The following SGCD variants were observed in gnomAD, a reference collection of about 807,000 sequenced individuals.
The protein encoded by SGCD is delta-sarcoglycan.
Under a neutral mutation model 36.6 loss-of-function variants are expected in SGCD, and 18 were observed. That is an observed-to-expected ratio of 0.49 (90% CI 0.34 to 0.73). The LOEUF is 0.73. Ranked by LOEUF, SGCD falls within the 30% of genes least tolerant of loss-of-function variation. The probability of loss-of-function intolerance (pLI) is 0.01; values close to 1 mark genes in which losing one functional copy is unlikely to be tolerated. For synonymous variants in SGCD, 133 were observed against 130.6 expected (o/e 1.02, Z -0.12); for missense variants, 387 against 346.7 (o/e 1.12, Z -0.92).
chr5:155,854,088 C>T, the SGCD span, among the ~76,000 whole-genome samples: 1 of 152,054 alleles, frequency 6.6e-6, no homozygotes, highest in Non-Finnish European at 1.5e-5. Flanking sequence ...ACAACAGAAA[C>T]ATTATTGTTT....
intron 4 of SGCD, among the ~76,000 whole-genome samples, chr5:156,585,512 A>G (rs1760455631): frequency 6.6e-6 from 1 of 152,208 alleles, no homozygotes; most frequent in African/African-American, 2.4e-5. Context: ...TTTAGTAAAC[A>G]TAGAGCACTG....
At chr5:156,321,806 G>A (rs955691826), upstream of SGCD, among the ~76,000 whole-genome samples, 51 of 152,154 alleles carry the variant, frequency 3.4e-4, no homozygotes, top group African/African-American at 1.2e-3. Flanking sequence ...GAAGAAGAGG[G>A]AGATAGAGTC....
At chr5:155,775,135 C>A in the SGCD span, among the ~76,000 whole-genome samples, 1 of 152,130 alleles carries the variant, frequency 6.6e-6, no homozygotes, top group Non-Finnish European at 1.5e-5. Context: ...GTTGCCTTAG[C>A]AAGTTTAAAG....
chr5:155,729,067 T>C, the SGCD span, among the ~76,000 whole-genome samples: 1 of 152,214 alleles, frequency 6.6e-6, no homozygotes, highest in African/African-American at 2.4e-5. Flanking sequence ...CGGGAGAAAG[T>C]TGGGTCTCCT....
At chr5:156,015,371 T>C (rs1386625426) in intron 1 of SGCD, among the ~76,000 whole-genome samples, 1 of 152,202 alleles carries the variant, frequency 6.6e-6, no homozygotes, top group Non-Finnish European at 1.5e-5. Flanking sequence ...TTCTGTCCTT[T>C]TTATACATCT....
intron 1 of SGCD, among the ~76,000 whole-genome samples, chr5:156,031,548 G>T (rs1241350266): frequency 6.6e-6 from 1 of 152,172 alleles, no homozygotes; most frequent in Non-Finnish European, 1.5e-5. Context: ...TTCATTTCTT[G>T]TGTGTTAGTC....
the SGCD span, among the ~76,000 whole-genome samples, chr5:155,842,403 T>C: frequency 3.3e-5 from 5 of 151,932 alleles, no homozygotes; most frequent in South Asian, 8.3e-4. Context: ...TGAAACCCTG[T>C]CTCTACTAAA....
intron 3 of SGCD, among the ~76,000 whole-genome samples, chr5:156,487,862 A>C (rs868695403): frequency 1.2e-4 from 18 of 147,404 alleles, no homozygotes; most frequent in South Asian, 2.1e-4. Flanking sequence ...TGAAATGCCC[A>C]AAAAAGAATT....
At chr5:156,048,692 T>C (rs191478932) in intron 1 of SGCD, among the ~76,000 whole-genome samples, 283 of 152,296 alleles carry the variant, frequency 1.9e-3, no homozygotes, top group African/African-American at 6.6e-3. Context: ...TTCTTGTAAA[T>C]TTGTTGGAGT....
chr5:156,234,527 T>C (rs996084095), intron 3 of SGCD, among the ~76,000 whole-genome samples: 2 of 152,176 alleles, frequency 1.3e-5, no homozygotes, highest in Non-Finnish European at 2.9e-5. Flanking sequence ...ACAACAATAT[T>C]TCTCTAAGTG....
At chr5:156,295,480 ATCCT>A (rs1393742346) in intron 3 of SGCD, among the ~76,000 whole-genome samples, 2 of 152,014 alleles carry the variant, frequency 1.3e-5, no homozygotes, top group African/African-American at 4.8e-5. Context: ...TTTTTATTAT[ATCCT>A]TCCTTCTGCT....
At chr5:156,359,120 G>A (rs1242008155) in intron 3 of SGCD, among the ~76,000 whole-genome samples, 1 of 152,156 alleles carries the variant, frequency 6.6e-6, no homozygotes, top group Non-Finnish European at 1.5e-5. Context: ...TATAATTGGG[G>A]ACCTCACCTG....
intron 1 of SGCD, among the ~76,000 whole-genome samples, chr5:155,969,823 A>G (rs528583614): frequency 2.0e-5 from 3 of 152,174 alleles, no homozygotes; most frequent in African/African-American, 7.2e-5. Context: ...TGCTATGTTC[A>G]CTGTCATCCA....
At chr5:156,683,607 G>T (rs1753800462) in intron 7 of SGCD, among the ~76,000 whole-genome samples, 1 of 152,274 alleles carries the variant, frequency 6.6e-6, no homozygotes, top group African/African-American at 2.4e-5. Flanking sequence ...AACCTTCCTG[G>T]TAAGTTAATT....
intron 3 of SGCD, among the ~76,000 whole-genome samples, chr5:156,373,230 C>T (rs912176692): frequency 6.6e-6 from 1 of 152,204 alleles, no homozygotes; most frequent in Non-Finnish European, 1.5e-5. Flanking sequence ...GGAACACTTA[C>T]CAATCCAATT....
At chr5:155,779,103 T>G in the SGCD span, among the ~76,000 whole-genome samples, 1 of 152,206 alleles carries the variant, frequency 6.6e-6, no homozygotes, top group Non-Finnish European at 1.5e-5. Context: ...ATATATATTT[T>G]ATTCATGCCT....
intron 3 of SGCD, among the ~76,000 whole-genome samples, chr5:156,191,274 A>G (rs1365626793): frequency 6.6e-6 from 1 of 152,134 alleles, no homozygotes; most frequent in Non-Finnish European, 1.5e-5. Context: ...TGAAGACATC[A>G]AAGTATAATT....
At chr5:156,308,020 A>C (rs1561612027) in intron 3 of SGCD, among the ~76,000 whole-genome samples, 1 of 152,296 alleles carries the variant, frequency 6.6e-6, no homozygotes, top group South Asian at 2.1e-4. Flanking sequence ...ATGAAGTTAC[A>C]CACCATTTTT....
chr5:155,905,232 A>G (rs981947301), intron 1 of SGCD, among the ~76,000 whole-genome samples: 2 of 152,204 alleles, frequency 1.3e-5, no homozygotes. Flanking sequence ...TGCCATAAAC[A>G]GCCATAAACA....
Sources: allele counts gnomAD v4.1 joint callset (sites outside exome capture counted in the v4.1 genomes callset), GRCh38; gene constraint gnomAD v4.1.1; transcripts MANE v1.5; gene names NCBI Gene and HGNC (gene_info 2026-07-23, HGNC 2026-07-21).